AP3M1: variants seen among roughly 807,000 people sequenced by gnomAD.
The protein encoded by AP3M1 is AP-3 complex subunit mu-1.
A neutral mutation model predicts 42.6 loss-of-function variants in AP3M1; 29 were observed. That is an observed-to-expected ratio of 0.68 (90% CI 0.51 to 0.93). The LOEUF is 0.93. AP3M1 is among the 40% of genes least tolerant of loss of function. The pLI, the probability that AP3M1 is intolerant of heterozygous loss-of-function variation, is 0.00. For synonymous variants in AP3M1, 178 were observed against 175.3 expected (o/e 1.02, Z -0.12); for missense variants, 416 against 510.2 (o/e 0.82, Z 1.78).
At chr10:74,128,518 A>T (rs1178264150) in intron 6 of AP3M1, among the ~76,000 whole-genome samples, 1 of 152,050 alleles carries the variant, frequency 6.6e-6, no homozygotes, top group East Asian at 1.9e-4. Flanking sequence ...GGATTACAGG[A>T]GTGAACCACT....
At position 74,142,268 on chromosome 10, in the gene AP3M1, G is replaced by C. The variant is rs77362778; in HGVS notation, c.-3-3886C>G. Among the ~76,000 whole-genome samples the C allele has an allele frequency of 4.0e-3, 610 of 152,228 alleles. 3 individuals carry two copies. The highest frequency in any genetic ancestry group is 0.014 in the African/African-American group (573 of 41,520). Reference sequence around the variant, plus strand: ...AGTGGCTCAATCATTCCAAGTAATAGTACTATAGTCTAAGAAGAAAGAATT... The same window carrying C: ...AGTGGCTCAATCATTCCAAGTAATACTACTATAGTCTAAGAAGAAAGAATT... On this transcript the variant is annotated intron_variant, in intron 1 of 8. Transcript: ENST00000355264.
chr10:74,146,899 T>C (rs949957873), intron 1 of AP3M1, among the ~76,000 whole-genome samples: 3 of 145,616 alleles, frequency 2.1e-5, no homozygotes, highest in African/African-American at 7.6e-5. Context: ...AAAAACAGGG[T>C]GGTTTTTAGT....
chr10:74,141,714 C>CTTT (rs920907444), intron 1 of AP3M1, among the ~76,000 whole-genome samples: 4 of 133,432 alleles, frequency 3.0e-5, no homozygotes, highest in Admixed American at 7.7e-5. Context: ...TTTTATTTTC[C>CTTT]TTTTTTTTTT....
rs57279906 is a variant in AP3M1 at position 74,149,267 on chromosome 10, G to GTTTTTTTTT, written c.-4+1479_-4+1487dup. Among the ~76,000 whole-genome samples, 6 of 60,096 alleles carry GTTTTTTTTT rather than the reference G, an allele frequency of 1.0e-4. 1 individual carries two copies. Among genetic ancestry groups the GTTTTTTTTT allele is most frequent in the African/African-American group, 3.7e-4 (6 of 16,376 alleles). 39.4% of individuals were successfully genotyped at this position (60,096 alleles called of 152,430 possible). On this transcript the variant is annotated intron_variant, in intron 1 of 8. Transcript: ENST00000355264. ...GAGAGCTTTCCTAAAGATACGTAAG[G>GTTTTTTTTT]TTTTTTTTTTTTTTTTTTTTTTTTT...
At chr10:74,132,087 G>C (rs548938639) in intron 4 of AP3M1, among the ~76,000 whole-genome samples, 1 of 151,768 alleles carries the variant, frequency 6.6e-6, no homozygotes, top group African/African-American at 2.4e-5. Context: ...ACCCAGGCTG[G>C]AGTGCAGTGG....
intron 2 of AP3M1, 54 bp downstream of exon 2, chr10:74,138,053 C>T (rs1210286800): frequency 3.9e-6 from 6 of 1,544,750 alleles, no homozygotes; most frequent in Non-Finnish European, 2.6e-6. Flanking sequence ...AATCATGTCT[C>T]ACCTTCAGCT....
At chr10:74,129,010 G>C in intron 6 of AP3M1, 98 bp downstream of exon 6, 1 of 1,453,410 alleles carries the variant, frequency 6.9e-7, no homozygotes, top group Non-Finnish European at 9.5e-7. Flanking sequence ...AAAGTGAGCA[G>C]TGATGACCTC....
At chr10:74,130,033 T>C (rs1564545958) in intron 4 of AP3M1, 41 bp from the exon 5 acceptor site, 1 of 1,269,612 alleles carries the variant, frequency 7.9e-7, no homozygotes, top group Non-Finnish European at 1.2e-6. Flanking sequence ...ATCAATGGAA[T>C]ATGAGTCTTC....
intron 3 of AP3M1, among the ~76,000 whole-genome samples, chr10:74,136,099 A>G (rs1840931535): frequency 1.3e-5 from 2 of 152,240 alleles, no homozygotes; most frequent in South Asian, 2.1e-4. Context: ...CAGGCCCACA[A>G]TGCATGAGAT....
chr10:74,126,406 G>A, intron 6 of AP3M1, 51 bp from the exon 7 acceptor site: 1 of 1,478,666 alleles, frequency 6.8e-7, no homozygotes, highest in Non-Finnish European at 9.4e-7. Context: ...AATTAATGGT[G>A]TGGGGAGAGC....
intron 3 of AP3M1, 55 bp from the exon 4 acceptor site, chr10:74,134,219 A>G (rs1840876409): frequency 6.5e-7 from 1 of 1,539,536 alleles, no homozygotes; most frequent in Non-Finnish European, 8.8e-7. Context: ...TCATGAGAAA[A>G]TTTATTACTA....
intron 2 of AP3M1, among the ~76,000 whole-genome samples, chr10:74,137,286 C>A (rs1840979878): frequency 6.6e-6 from 1 of 151,778 alleles, no homozygotes; most frequent in Admixed American, 6.6e-5. Flanking sequence ...CAAAAAAAAC[C>A]CCTCTATAGT....
At position 74,122,897 on chromosome 10, in the gene AP3M1, T is replaced by TTACCC. The variant is rs1840509175; in HGVS notation, c.*912_*913insGGGTA. On this transcript the variant is annotated 3_prime_UTR_variant, in exon 9 of 9. Transcript: ENST00000355264. ...TGAGGCATTTAGGTTAACCATGGCT[T>TTACCC]AACTGGTGTTGGGTAAGCTTTATAT... 6.6e-6 allele frequency: 1 copy of TTACCC among 152,306 alleles called. No homozygotes were observed. The highest frequency in any genetic ancestry group is 1.5e-5 in the Non-Finnish European group (1 of 68,044). The allele number at this position is 152,306 out of a possible 1,614,324, so 9.4% of individuals were successfully genotyped here.
In AP3M1 at chr10:74,138,307, T is replaced by TCACAAC; in HGVS notation, c.67_72dup (p.Val23_Val24dup). ...AAGAAATAATCACAGACAGACTGGC[T>TCACAAC]CACAACGCTCTTCCAGTGCTTCTCT... On this transcript the variant is annotated inframe_insertion, in exon 2 of 9. Coordinates refer to ENST00000355264, the MANE Select transcript of AP3M1 (RefSeq NM_012095.6). 1 of 1,613,506 alleles carries TCACAAC rather than the reference T, an allele frequency of 6.2e-7. No individual in the cohort carries two copies.
Position 74,124,413 on chromosome 10 carries a change from T to C in AP3M1, c.1123A>G (p.Ile375Val), listed in dbSNP as rs374798446. 2.5e-6 allele frequency: 4 copies of C among 1,613,706 alleles called. No homozygotes were observed. The South Asian group carries it at 4.4e-5, about 18-fold the overall frequency. ...GCAAGCTGCTGGATCTTAAACTGTA[T>C]GTTGAGGCTCGGATTCTCTTCTGGT... ...PKPEENPSLNIQFKIQQLAIS... is the reference protein window; with the variant it reads ...PKPEENPSLNVQFKIQQLAIS... Residue 375 changes from isoleucine to valine, a missense_variant, in exon 8 of 9, where the codon ATA becomes GTA. Ile to Val is a conservative substitution (Grantham distance 29, BLOSUM62 3). Coordinates refer to ENST00000355264, the MANE Select transcript of AP3M1 (RefSeq NM_012095.6).
chr10:74,122,878 A>C lies in AP3M1; in HGVS notation c.*932T>G, dbSNP rs1840508480. 6.6e-6 allele frequency: 1 copy of C among 152,228 alleles called. No homozygotes were observed. Among genetic ancestry groups the C allele is most frequent in the Non-Finnish European group, 1.5e-5 (1 of 68,026 alleles). The allele number at this position is 152,228 out of a possible 1,614,324, so 9.4% of individuals were successfully genotyped here. ...CTTTTGCTGAACTGGGGCATGAGGC[A>C]TTTAGGTTAACCATGGCTTAACTGG... is the stretch of plus-strand genomic sequence containing the variant. On this transcript the variant is annotated 3_prime_UTR_variant, in exon 9 of 9. Coordinates refer to ENST00000355264, the MANE Select transcript of AP3M1 (RefSeq NM_012095.6).
At chr10:74,128,124 AGG>A (rs1225452862) in intron 6 of AP3M1, among the ~76,000 whole-genome samples, 15,418 of 135,922 alleles carry the variant, frequency 0.11, 1,378 homozygotes, top group African/African-American at 0.18. Flanking sequence ...AAAAAAAAAA[AGG>A]AAAAGAAAAG....
chr10:74,126,023 T>A (rs1364120704), intron 7 of AP3M1, 125 bp downstream of exon 7: 2 of 943,894 alleles, frequency 2.1e-6, no homozygotes, highest in African/African-American at 3.3e-5. Flanking sequence ...CACAGTATGC[T>A]CTCTAGGTTT....
chr10:74,131,768 C>G (rs1840786345), intron 4 of AP3M1, among the ~76,000 whole-genome samples: 1 of 150,922 alleles, frequency 6.6e-6, no homozygotes, highest in Non-Finnish European at 1.5e-5. Flanking sequence ...TCTTGAACTC[C>G]TGGGCTCAAG....
Sources: gnomAD v4.1 joint callset for allele counts (sites outside exome capture counted in the v4.1 genomes callset) on GRCh38, gnomAD v4.1.1 for gene constraint, MANE v1.5 for transcripts, NCBI Gene and HGNC (gene_info 2026-07-23, HGNC 2026-07-21) for gene names.